Variants in GABRA3 observed in about 807,000 individuals in gnomAD.
GABRA3 encodes gamma-aminobutyric acid type A receptor subunit alpha3.
Under a neutral mutation model 30.1 loss-of-function variants are expected in GABRA3, and 10 were observed. That is an observed-to-expected ratio of 0.33 (90% CI 0.20 to 0.56). The LOEUF (loss-of-function observed/expected upper bound fraction) is 0.56. Among genes scored for constraint, GABRA3 ranks in the 20% least tolerant of loss-of-function variants. The pLI, the probability that GABRA3 is intolerant of heterozygous loss-of-function variation, is 0.89. For synonymous variants in GABRA3, 151 were observed against 146.8 expected, an observed-to-expected ratio of 1.03 and a Z score of -0.21; for missense variants, 233 against 392.0, an observed-to-expected ratio of 0.59 and a Z score of 3.42.
intron 2 of GABRA3, among the ~76,000 whole-genome samples, chrX:152,346,697 C>A (rs1191171031): frequency 8.9e-6 from 1 of 112,123 alleles, no homozygotes; most frequent in Non-Finnish European, 1.9e-5. Flanking sequence ...ATAGACATTT[C>A]TCAAAAGAAG....
At chrX:152,239,073 T>A (rs1358059576) in intron 5 of GABRA3, among the ~76,000 whole-genome samples, 2 of 105,577 alleles carry the variant, frequency 1.9e-5, no homozygotes, top group Admixed American at 1.0e-4. Flanking sequence ...CTAGTTCTTT[T>A]AATTGTGATG....
chrX:152,405,736 A>C (rs1929917945), intron 1 of GABRA3, among the ~76,000 whole-genome samples: 1 of 111,602 alleles, frequency 9.0e-6, no homozygotes, highest in Non-Finnish European at 1.9e-5. Flanking sequence ...GGGAATCGCA[A>C]CCCTGAAAGG....
rs201702146 is a variant in GABRA3, at chrX:152,345,745, T to C, written c.141-43A>G. 1.2e-4 allele frequency: 139 copies of C among 1,118,004 alleles called. No homozygotes were observed. In the African/African-American group the frequency reaches 1.6e-3, roughly 13 times the overall value. 92.1% of individuals were successfully genotyped at this position (1,118,004 alleles called of 1,213,427 possible). On this transcript the variant is annotated intron_variant, in intron 2 of 9. Coordinates refer to ENST00000370314, the MANE Select transcript of GABRA3 (RefSeq NM_000808.4). ...AAAGAAAAAAAATAATAGTTCTTAA[T>C]AGGAAAAAAAATACATGACTAGATA... is the stretch of plus-strand genomic sequence containing the variant.
At chrX:152,421,453 G>T (rs1025554275) in intron 1 of GABRA3, among the ~76,000 whole-genome samples, 2 of 110,863 alleles carry the variant, frequency 1.8e-5, no homozygotes, top group African/African-American at 6.6e-5. Context: ...GATAACATAG[G>T]ATAATATCTT....
intron 3 of GABRA3, among the ~76,000 whole-genome samples, chrX:152,292,532 TTG>T (rs1939441036): frequency 8.9e-6 from 1 of 111,815 alleles, no homozygotes; most frequent in Non-Finnish European, 1.9e-5. Context: ...AGGATTTTTT[TTG>T]TGTCTCTAGC....
intron 3 of GABRA3, among the ~76,000 whole-genome samples, chrX:152,290,041 G>A (rs1023048689): frequency 2.7e-5 from 3 of 111,923 alleles, no homozygotes; most frequent in Non-Finnish European, 5.6e-5. Flanking sequence ...CCAGTAATGG[G>A]ATCGCTAGGT....
chrX:152,200,640 G>C (rs144796152), intron 7 of GABRA3, among the ~76,000 whole-genome samples: 3,357 of 110,797 alleles, frequency 0.03, 58 homozygotes, highest in African/African-American at 0.04. Flanking sequence ...ACTTTGATGA[G>C]CTTATGCAAT....
At chrX:152,233,874 G>C (rs376235731) in intron 5 of GABRA3, among the ~76,000 whole-genome samples, 1 of 107,143 alleles carries the variant, frequency 9.3e-6, no homozygotes, top group South Asian at 4.3e-4. Flanking sequence ...CCATAAAAAA[G>C]GATGAGTTCA....
chrX:152,391,740 G>A (rs760786729), intron 1 of GABRA3, among the ~76,000 whole-genome samples: 13 of 111,587 alleles, frequency 1.2e-4, no homozygotes, highest in Non-Finnish European at 2.3e-4. Context: ...GGGTATATGT[G>A]CAAAAGGAAA....
At chrX:152,188,454 G>C (rs1937283755) in intron 9 of GABRA3, among the ~76,000 whole-genome samples, 1 of 110,911 alleles carries the variant, frequency 9.0e-6, no homozygotes, top group Non-Finnish European at 1.9e-5. Context: ...GAGAGAAGGA[G>C]AGGTAGGAGT....
intron 5 of GABRA3, chrX:152,251,208 A>G (rs1031284194): frequency 5.5e-5 from 15 of 273,575 alleles, no homozygotes; most frequent in Non-Finnish European, 1.0e-4. Context: ...GGCATTCTAC[A>G]TAGACTCTAA....
chrX:152,176,659 G>A (rs1379999171), intron 9 of GABRA3, among the ~76,000 whole-genome samples: 2 of 111,465 alleles, frequency 1.8e-5, no homozygotes, highest in African/African-American at 6.5e-5. Flanking sequence ...AAGATGAGGA[G>A]TTGTGTTTGG....
chrX:152,226,693 A>T (rs1937962541), intron 5 of GABRA3, among the ~76,000 whole-genome samples: 1 of 111,941 alleles, frequency 8.9e-6, no homozygotes. Context: ...CAAGAAAAAA[A>T]CAAACAACCC....
chrX:152,450,689 G>C (rs1217145691), intron 1 of GABRA3, among the ~76,000 whole-genome samples: 35 of 111,223 alleles, frequency 3.1e-4, no homozygotes, highest in Non-Finnish European at 5.3e-4. Context: ...AGCAGCTGCG[G>C]AGAAAGAGTT....
In GABRA3 at chrX:152,351,610, G is replaced by T. The variant is rs567416840; in HGVS notation, c.141-5908C>A. Among the ~76,000 whole-genome samples the T allele has an allele frequency of 2.7e-5, 3 of 111,942 alleles. No homozygotes were observed. The East Asian group carries it at 8.5e-4, about 32-fold the overall frequency. ...AAACTTTCTCCATATTTGCAATAAGGCTGTTTCACTTTCTTATCATTTATG... is the reference window on the plus strand; with the variant it reads ...AAACTTTCTCCATATTTGCAATAAGTCTGTTTCACTTTCTTATCATTTATG... On this transcript the variant is annotated intron_variant, in intron 2 of 9. Coordinates refer to ENST00000370314, the MANE Select transcript of GABRA3 (RefSeq NM_000808.4).
intron 5 of GABRA3, among the ~76,000 whole-genome samples, chrX:152,254,999 A>G (rs2124413491): frequency 8.9e-6 from 1 of 112,038 alleles, no homozygotes; most frequent in South Asian, 3.7e-4. Flanking sequence ...TTGACAGCAA[A>G]ATTCAATGCC....
chrX:152,240,097 C>G (rs868700925), intron 5 of GABRA3, among the ~76,000 whole-genome samples: 6 of 98,842 alleles, frequency 6.1e-5, no homozygotes, highest in Non-Finnish European at 9.8e-5. Context: ...TCTCGATGGT[C>G]TTTACATTTT....
chrX:152,368,885 G>T (rs897478932), intron 1 of GABRA3, among the ~76,000 whole-genome samples: 10 of 109,121 alleles, frequency 9.2e-5, no homozygotes, highest in East Asian at 8.7e-4. Context: ...TTTTGTATTT[G>T]TAGTAGAGAC....
At chrX:152,354,165 A>C (rs2124487138) in intron 2 of GABRA3, among the ~76,000 whole-genome samples, 1 of 111,477 alleles carries the variant, frequency 9.0e-6, no homozygotes, top group Admixed American at 9.6e-5. Context: ...ACTCAGGAAA[A>C]GCAATATATC....
Sources: allele counts gnomAD v4.1 joint callset (sites outside exome capture counted in the v4.1 genomes callset), GRCh38; gene constraint gnomAD v4.1.1; transcripts MANE v1.5; gene names NCBI Gene and HGNC (gene_info 2026-07-23, HGNC 2026-07-21).